The following SHLD2 variants were observed in gnomAD, a reference collection of about 807,000 sequenced individuals.
SHLD2 encodes RINN1-REV7-interacting novel NHEJ regulator 2.
In SHLD2, 30 loss-of-function variants were observed where a neutral mutation model predicts 73.2. The observed-to-expected ratio is 0.41, with a 90% CI of 0.31 to 0.56. The LOEUF is 0.56. SHLD2 is among the 20% of genes least tolerant of loss of function. The pLI, the probability that SHLD2 is intolerant of heterozygous loss-of-function variation, is 0.28. For missense variants in SHLD2, 745 were observed against 1,055.9 expected, an observed-to-expected ratio of 0.71 and a Z score of 4.08; for synonymous variants, 285 against 370.1, an observed-to-expected ratio of 0.77 and a Z score of 2.64.
At chr10:87,135,414 T>C (rs967218631) in intron 2 of SHLD2, among the ~76,000 whole-genome samples, 2 of 152,160 alleles carry the variant, frequency 1.3e-5, no homozygotes, top group African/African-American at 4.8e-5. Context: ...GTCCTTCTAT[T>C]GATATCTGTT....
At chr10:87,189,133 C>A (rs1021333176) in intron 9 of SHLD2, among the ~76,000 whole-genome samples, 1 of 151,908 alleles carries the variant, frequency 6.6e-6, no homozygotes, top group Admixed American at 6.6e-5. Flanking sequence ...TCGCAAGTAG[C>A]TGGGATTACA....
chr10:87,186,175 A>G (rs1848607598), intron 8 of SHLD2, among the ~76,000 whole-genome samples: 1 of 152,102 alleles, frequency 6.6e-6, no homozygotes, highest in African/African-American at 2.4e-5. Flanking sequence ...AAGAGTGTAG[A>G]GTGAAAAGAG....
chr10:87,120,894 T>C (rs1271455492), intron 2 of SHLD2, among the ~76,000 whole-genome samples: 1 of 151,672 alleles, frequency 6.6e-6, no homozygotes, highest in African/African-American at 2.4e-5. Context: ...CTACTAAAAA[T>C]ACAAAATTAG....
At chr10:87,121,570 T>G (rs1374314359) in intron 2 of SHLD2, among the ~76,000 whole-genome samples, 1 of 151,976 alleles carries the variant, frequency 6.6e-6, no homozygotes, top group Non-Finnish European at 1.5e-5. Context: ...ATAAATGTTA[T>G]TATTTTAAGT....
chr10:87,122,548 A>G (rs1843702164), intron 2 of SHLD2, among the ~76,000 whole-genome samples: 1 of 151,944 alleles, frequency 6.6e-6, no homozygotes, highest in Non-Finnish European at 1.5e-5. Context: ...AGAAATAGAA[A>G]CTAAGAACCC....
At chr10:87,169,328 G>T (rs527798531) in intron 4 of SHLD2, among the ~76,000 whole-genome samples, 2 of 152,150 alleles carry the variant, frequency 1.3e-5, no homozygotes, top group Non-Finnish European at 2.9e-5. Context: ...GTAGTATTAC[G>T]TGTGGTTTTA....
At chr10:87,147,534 A>G (rs2134285140) in intron 2 of SHLD2, among the ~76,000 whole-genome samples, 1 of 152,068 alleles carries the variant, frequency 6.6e-6, no homozygotes, top group South Asian at 2.1e-4. Flanking sequence ...AACATTTAGG[A>G]GAAAATATTA....
intron 1 of SHLD2, among the ~76,000 whole-genome samples, chr10:87,096,088 G>A (rs1841850628): frequency 6.6e-6 from 1 of 152,158 alleles, no homozygotes; most frequent in Non-Finnish European, 1.5e-5. Context: ...TCGCCCAGGC[G>A]GGAGTGTAGT....
chr10:87,146,580 C>T (rs1845623826), intron 2 of SHLD2, among the ~76,000 whole-genome samples: 1 of 150,734 alleles, frequency 6.6e-6, no homozygotes, highest in Non-Finnish European at 1.5e-5. Context: ...AAGCTTGAGC[C>T]ACCGCGCCCA....
chr10:87,132,313 T>G (rs1844486827), intron 2 of SHLD2, among the ~76,000 whole-genome samples: 1 of 152,168 alleles, frequency 6.6e-6, no homozygotes, highest in African/African-American at 2.4e-5. Flanking sequence ...GTAAATGGTA[T>G]TATGACACAA....
intron 8 of SHLD2, among the ~76,000 whole-genome samples, chr10:87,185,029 C>T (rs1357882455): frequency 5.3e-5 from 8 of 152,180 alleles, no homozygotes; most frequent in East Asian, 3.9e-4. Flanking sequence ...AGGACATTTT[C>T]GTCACCCAGC....
At chr10:87,134,457 G>A (rs1363554095) in intron 2 of SHLD2, among the ~76,000 whole-genome samples, 2 of 152,156 alleles carry the variant, frequency 1.3e-5, no homozygotes, top group Non-Finnish European at 2.9e-5. Context: ...CGTATGGGCT[G>A]GTTTGACAGG....
At position 87,190,773 on chromosome 10, in the gene SHLD2, G is replaced by A. The variant is rs1849020139; in HGVS notation, c.*90G>A. On this transcript the variant is annotated 3_prime_UTR_variant, in exon 10 of 10. Coordinates refer to ENST00000298786, the MANE Select transcript of SHLD2 (RefSeq NM_001330112.2). ...AAATGAATGACAGGGCTTTTGCTTT[G>A]GATTTTTTATGAAATATATTTTACA... 6 of 1,080,840 alleles carry A rather than the reference G, an allele frequency of 5.6e-6. No homozygotes were observed. The Admixed American group carries it at 1.3e-4, about 24-fold the overall frequency. The allele number at this position is 1,080,840 out of a possible 1,614,324, so 67.0% of individuals were successfully genotyped here.
chr10:87,100,916 T>A (rs1376326435), intron 2 of SHLD2, among the ~76,000 whole-genome samples: 3 of 152,238 alleles, frequency 2.0e-5, no homozygotes, highest in Non-Finnish European at 2.9e-5. Flanking sequence ...AGCTGGAATT[T>A]TGATAGGGAT....
chr10:87,107,107 A>AAAAAAG lies in SHLD2; in HGVS notation c.-6+10119_-6+10120insAAAAGA, dbSNP rs56386341. 2.0e-3 allele frequency among the ~76,000 whole-genome samples: 296 copies of AAAAAAG among 146,492 alleles called. 8 individuals carry two copies. The highest frequency in any genetic ancestry group is 8.1e-3 in the Admixed American group (115 of 14,134). ...AGCAATAATTGGCAAAAAAAAAAAA[A>AAAAAAG]AGAGATTTAAAATGTAGGATAAAGG... On this transcript the variant is annotated intron_variant, in intron 2 of 9. Coordinates refer to ENST00000298786, the MANE Select transcript of SHLD2 (RefSeq NM_001330112.2).
chr10:87,132,546 G>A (rs973157082), intron 2 of SHLD2, among the ~76,000 whole-genome samples: 2 of 152,126 alleles, frequency 1.3e-5, no homozygotes, highest in African/African-American at 4.8e-5. Context: ...AGGCTTAGGT[G>A]GATGGATCAC....
chr10:87,103,085 C>G (rs1842372141), intron 2 of SHLD2, among the ~76,000 whole-genome samples: 1 of 151,976 alleles, frequency 6.6e-6, no homozygotes, highest in Non-Finnish European at 1.5e-5. Context: ...TGGTGCACGC[C>G]TGTAGTCCCA....
Sources: gnomAD v4.1 joint callset for allele counts (sites outside exome capture counted in the v4.1 genomes callset) on GRCh38, gnomAD v4.1.1 for gene constraint, MANE v1.5 for transcripts, NCBI Gene and HGNC (gene_info 2026-07-23, HGNC 2026-07-21) for gene names.